The following ADCK1 variants were observed in gnomAD, a reference collection of about 807,000 sequenced individuals.
The protein encoded by ADCK1 is aarF domain containing kinase 1.
In ADCK1, 41 loss-of-function variants were observed where a neutral mutation model predicts 52.3. The observed-to-expected ratio is 0.78, with a 90% CI of 0.61 to 1.02. The LOEUF (loss-of-function observed/expected upper bound fraction) is 1.02. ADCK1 is among the 50% of genes least tolerant of loss of function. The pLI, the probability that ADCK1 is intolerant of heterozygous loss-of-function variation, is 0.00. For missense variants in ADCK1, 658 were observed against 679.5 expected (o/e 0.97, Z 0.35); for synonymous variants, 250 against 274.6 (o/e 0.91, Z 0.89).
At chr14:77,837,580 A>G (rs967938909) in intron 3 of ADCK1, among the ~76,000 whole-genome samples, 13 of 152,192 alleles carry the variant, frequency 8.5e-5, no homozygotes, top group Non-Finnish European at 1.6e-4. Context: ...ATTAATGCCA[A>G]ATGGTGCAGC....
chr14:77,831,981 CTT>C (rs34466991), intron 3 of ADCK1, among the ~76,000 whole-genome samples: 10 of 139,452 alleles, frequency 7.2e-5, no homozygotes, highest in Non-Finnish European at 9.4e-5. Flanking sequence ...GATGTGATGG[CTT>C]TTTTTTTTTT....
At chr14:77,826,510 C>T (rs1450249201) in intron 3 of ADCK1, among the ~76,000 whole-genome samples, 1 of 152,170 alleles carries the variant, frequency 6.6e-6, no homozygotes, top group Admixed American at 6.6e-5. Flanking sequence ...CTTTGCTAGG[C>T]AGCCAAGGTG....
At chr14:77,880,457 A>G (rs534161512) in intron 4 of ADCK1, among the ~76,000 whole-genome samples, 11 of 152,392 alleles carry the variant, frequency 7.2e-5, no homozygotes, top group South Asian at 2.1e-4. Flanking sequence ...CAGAAAGAAC[A>G]CAAACTCCAT....
At chr14:77,872,619 T>C (rs2082806111) in intron 4 of ADCK1, among the ~76,000 whole-genome samples, 1 of 151,808 alleles carries the variant, frequency 6.6e-6, no homozygotes, top group Non-Finnish European at 1.5e-5. Context: ...CTCTCCCGCC[T>C]GCTTCCTTAG....
intron 6 of ADCK1, among the ~76,000 whole-genome samples, chr14:77,907,073 C>T (rs1375976466): frequency 1.3e-5 from 2 of 152,108 alleles, no homozygotes; most frequent in African/African-American, 4.8e-5. Context: ...ACCACTATGC[C>T]TGGCTAATTT....
intron 1 of ADCK1, among the ~76,000 whole-genome samples, chr14:77,817,984 C>T (rs575025850): frequency 5.3e-5 from 8 of 151,986 alleles, no homozygotes; most frequent in Non-Finnish European, 8.8e-5. Flanking sequence ...GTGATCTGCC[C>T]GCCTTGGCCT....
intron 3 of ADCK1, among the ~76,000 whole-genome samples, chr14:77,823,948 G>C (rs900022054): frequency 6.6e-6 from 1 of 151,918 alleles, no homozygotes; most frequent in Non-Finnish European, 1.5e-5. Context: ...GCCCAGGCTG[G>C]AGTGAAGTGG....
At chr14:77,815,605 C>T (rs749034625) in intron 1 of ADCK1, among the ~76,000 whole-genome samples, 15 of 151,364 alleles carry the variant, frequency 9.9e-5, no homozygotes, top group African/African-American at 3.2e-4. Context: ...CTGCAACCTC[C>T]GCCTCCTGGG....
At chr14:77,829,489 G>A (rs980415692) in intron 3 of ADCK1, among the ~76,000 whole-genome samples, 1 of 151,010 alleles carries the variant, frequency 6.6e-6, no homozygotes, top group Non-Finnish European at 1.5e-5. Flanking sequence ...TAGAGACAGA[G>A]TCTCACTATG....
chr14:77,833,398 T>G (rs1360229693), intron 3 of ADCK1, among the ~76,000 whole-genome samples: 1 of 152,186 alleles, frequency 6.6e-6, no homozygotes, highest in East Asian at 1.9e-4. Context: ...GGGAGTGTTC[T>G]GCATAGAGGA....
At chr14:77,838,367 A>G (rs1028939619) in intron 3 of ADCK1, among the ~76,000 whole-genome samples, 6 of 152,144 alleles carry the variant, frequency 3.9e-5, no homozygotes, top group African/African-American at 1.4e-4. Context: ...CACAGCCCCA[A>G]TCTGTCTTTA....
chr14:77,809,159 A>G (rs2140000637), intron 1 of ADCK1, among the ~76,000 whole-genome samples: 1 of 151,270 alleles, frequency 6.6e-6, no homozygotes, highest in Non-Finnish European at 1.5e-5. Context: ...GCTTTGTGGT[A>G]GGTGGAGAGG....
intron 3 of ADCK1, among the ~76,000 whole-genome samples, chr14:77,835,588 G>A (rs1469658201): frequency 2.0e-5 from 3 of 152,196 alleles, no homozygotes; most frequent in Non-Finnish European, 2.9e-5. Context: ...GCCTTATAAA[G>A]CACACATTCC....
At chr14:77,808,815 A>G (rs1175574101) in intron 1 of ADCK1, among the ~76,000 whole-genome samples, 3 of 152,158 alleles carry the variant, frequency 2.0e-5, no homozygotes, top group African/African-American at 7.2e-5. Flanking sequence ...ACCTCAGGTG[A>G]TCCACCCGCC....
At chr14:77,881,818 A>C (rs559596365) in intron 4 of ADCK1, among the ~76,000 whole-genome samples, 1 of 152,302 alleles carries the variant, frequency 6.6e-6, no homozygotes, top group Admixed American at 6.5e-5. Context: ...TAAAGCTATC[A>C]CCGGGAAATG....
chr14:77,809,699 C>T (rs1010698119), intron 1 of ADCK1, among the ~76,000 whole-genome samples: 2 of 151,706 alleles, frequency 1.3e-5, no homozygotes, highest in African/African-American at 4.8e-5. Flanking sequence ...TTCATAAGCT[C>T]TTTGACTTTT....
At chr14:77,885,292 A>G (rs1315826425) in intron 4 of ADCK1, among the ~76,000 whole-genome samples, 1 of 152,186 alleles carries the variant, frequency 6.6e-6, no homozygotes, top group Non-Finnish European at 1.5e-5. Context: ...ACGAAGGAGG[A>G]GAAAAGACAA....
intron 3 of ADCK1, among the ~76,000 whole-genome samples, chr14:77,858,800 C>G (rs1380558222): frequency 6.6e-6 from 1 of 151,946 alleles, no homozygotes; most frequent in East Asian, 1.9e-4. Flanking sequence ...GGGAGTGGGA[C>G]CCAGACTAGG....
At chr14:77,866,778 A>G (rs2082669512) in intron 4 of ADCK1, among the ~76,000 whole-genome samples, 1 of 151,954 alleles carries the variant, frequency 6.6e-6, no homozygotes, top group Admixed American at 6.6e-5. Flanking sequence ...AGCTTCCCTT[A>G]CAGTGTCCTG....
Sources: gnomAD v4.1 joint callset for allele counts (sites outside exome capture counted in the v4.1 genomes callset) on GRCh38, gnomAD v4.1.1 for gene constraint, MANE v1.5 for transcripts, NCBI Gene and HGNC (gene_info 2026-07-23, HGNC 2026-07-21) for gene names.